KCNC1: variants seen among roughly 807,000 people sequenced by gnomAD.
KCNC1 encodes the protein voltage-gated potassium channel KCNC1.
KCNC1 carries 8 observed loss-of-function variants against 43.4 expected under a neutral mutation model. The ratio of observed to expected loss-of-function variants is 0.18; its 90% CI spans 0.11 to 0.33. The LOEUF (loss-of-function observed/expected upper bound fraction) is 0.33. KCNC1 is among the 10% of genes least tolerant of loss of function. The pLI is 1.00. For synonymous variants in KCNC1, 361 were observed against 360.5 expected, an observed-to-expected ratio of 1.00 and a Z score of -0.01; for missense variants, 420 against 836.0, an observed-to-expected ratio of 0.50 and a Z score of 6.14.
At chr11:17,754,581 A>T (rs536847106) in intron 1 of KCNC1, among the ~76,000 whole-genome samples, 1 of 152,212 alleles carries the variant, frequency 6.6e-6, no homozygotes, top group South Asian at 2.1e-4. Context: ...TGGACATAGG[A>T]CCCATGTCCA....
intron 1 of KCNC1, among the ~76,000 whole-genome samples, chr11:17,768,617 G>T (rs898064437): frequency 4.0e-5 from 6 of 151,778 alleles, no homozygotes; most frequent in East Asian, 3.9e-4. Context: ...GTTGGTGGGG[G>T]GGGGGGCGGT....
rs75161663 is a variant in KCNC1 at position 17,769,979 on chromosome 11, T to C, written c.571-1686T>C. 4.4e-3 allele frequency among the ~76,000 whole-genome samples: 672 copies of C among 152,380 alleles called. 6 individuals are homozygous for C. The highest frequency in any genetic ancestry group is 0.016 in the African/African-American group (652 of 41,594). ...CTCTGTCATTCTGAGATGCCAACTT[T>C]GTCACTTCCCTTTGCTCCCAGCTTC... On this transcript the variant is annotated intron_variant, in intron 1 of 3. Transcript: ENST00000265969.
At chr11:17,764,370 A>G (rs890212034) in intron 1 of KCNC1, among the ~76,000 whole-genome samples, 2 of 151,402 alleles carry the variant, frequency 1.3e-5, no homozygotes, top group East Asian at 3.9e-4. Context: ...ATACATGTCC[A>G]CACACACACA....
rs867735558 is a variant in KCNC1, at chr11:17,736,484, C to A, written c.482C>A (p.Pro161Gln). 2 of 1,596,304 alleles carry A rather than the reference C, an allele frequency of 1.3e-6. No homozygotes were observed. Among genetic ancestry groups the A allele is most frequent in the East Asian group, 2.3e-5 (1 of 44,432 alleles). ...MTKRLALSDS[P>Q]DGRPGGFWRR... ...AAGCGCCTGGCGCTCAGTGACTCCC[C>A]GGATGGCCGGCCTGGCGGCTTTTGG... The change falls in exon 1 of 4, where the codon CCG becomes CAG. Residue 161 changes from proline to glutamine, a missense_variant. Physicochemically the swap from Pro to Gln is moderately conservative, Grantham distance 76. This residue lies in a region of KCNC1 where 151 missense variants were observed against 216.7 expected (regional missense o/e 0.70). Transcript: ENST00000265969. This position sits in a 1 kb window ranked among gnomAD's most constrained non-coding sequence, Gnocchi z 9.3.
At position 17,777,175 on chromosome 11, in the gene KCNC1, C is replaced by G; in HGVS notation, c.1505-2281C>G. Reference sequence around the variant, plus strand: ...GGGGCTTGTGGACAGAACCAGTGGGCGGGGGCCCAGCATTCAGAGCCAGAG... The same window carrying G: ...GGGGCTTGTGGACAGAACCAGTGGGGGGGGGCCCAGCATTCAGAGCCAGAG... On this transcript the variant is annotated intron_variant, in intron 2 of 3. Transcript: ENST00000265969. The surrounding 1 kb of genome is among the most constrained non-coding windows in gnomAD (Gnocchi z 4.3). The G allele has an allele frequency of 1.0e-6, 1 of 985,490 alleles. No homozygotes were observed. The highest frequency in any genetic ancestry group is 1.1e-4 in the East Asian group (1 of 8,730). 61.0% of individuals were successfully genotyped at this position (985,490 alleles called of 1,614,324 possible). A position where few individuals can be genotyped will look rare whatever the true frequency, so the allele number is the denominator to read the frequency against.
chr11:17,760,993 A>C (rs1849071441), intron 1 of KCNC1, among the ~76,000 whole-genome samples: 1 of 152,024 alleles, frequency 6.6e-6, no homozygotes, highest in South Asian at 2.1e-4. Context: ...CTTGAGCCCC[A>C]CTCATCGTGC....
rs1848816908 is a variant in KCNC1, at chr11:17,739,694, TG to T, written c.570+3123del. ...GAGTCTGTGTGTGTGTGTGTGTGTG[TG>T]TGTGTGTACATGCGTGTACACATAA... On this transcript the variant is annotated intron_variant, in intron 1 of 3. Transcript: ENST00000265969. This position sits in a 1 kb window ranked among gnomAD's most constrained non-coding sequence, Gnocchi z 4.2. 3.3e-5 allele frequency among the ~76,000 whole-genome samples: 5 copies of T among 151,816 alleles called. No individual in the cohort carries two copies. Among genetic ancestry groups the T allele is most frequent in the African/African-American group, 1.2e-4 (5 of 41,260 alleles).
chr11:17,779,268 C>A lies in KCNC1; in HGVS notation c.1505-188C>A, dbSNP rs186145685. ...AGCACTGTGGGCAGCCCGAAGGCTG[C>A]CTGAATGAGCTGAACCCCCCACCAA... On this transcript the variant is annotated intron_variant, in intron 2 of 3. Transcript: ENST00000265969. The surrounding 1 kb of genome is among the most constrained non-coding windows in gnomAD (Gnocchi z 7.2). 375 of 548,938 alleles carry A rather than the reference C, an allele frequency of 6.8e-4. No homozygotes were observed. Among genetic ancestry groups the A allele is most frequent in the Admixed American group, 1.6e-3 (46 of 28,480 alleles). 34.0% of individuals were successfully genotyped at this position (548,938 alleles called of 1,614,324 possible). A position where few individuals can be genotyped will look rare whatever the true frequency, so the allele number is the denominator to read the frequency against.
At chr11:17,770,144 G>A (rs1849206953) in intron 1 of KCNC1, among the ~76,000 whole-genome samples, 1 of 152,270 alleles carries the variant, frequency 6.6e-6, no homozygotes, top group South Asian at 2.1e-4. Flanking sequence ...CTGGGTGGGG[G>A]AGGGGCATCA....
chr11:17,772,766 A>G, intron 2 of KCNC1, 168 bp downstream of exon 2: 1 of 1,487,972 alleles, frequency 6.7e-7, no homozygotes. Context: ...TGGGCGGCCA[A>G]ATTCAGCAGG....
intron 1 of KCNC1, among the ~76,000 whole-genome samples, chr11:17,758,913 C>A (rs776080347): frequency 6.6e-6 from 1 of 152,182 alleles, no homozygotes; most frequent in Non-Finnish European, 1.5e-5. Context: ...TTAAAGTCAC[C>A]AGCTGCATTA....
At chr11:17,770,428 G>T (rs1313737206) in intron 1 of KCNC1, among the ~76,000 whole-genome samples, 2 of 152,210 alleles carry the variant, frequency 1.3e-5, no homozygotes, top group Non-Finnish European at 2.9e-5. Flanking sequence ...ACTGGCAGGG[G>T]CCCATCCACC....
Position 17,782,888 on chromosome 11 carries a change from A to T in KCNC1, c.*1154A>T, listed in dbSNP as rs375337290. On this transcript the variant is annotated 3_prime_UTR_variant, in exon 4 of 4. Transcript: ENST00000265969. ...TCTAAAATTAGTGGGGTGGGGGGGA[A>T]GGATGATATTTTTGAAAAACACATG... 18 of 152,138 alleles carry T rather than the reference A, an allele frequency of 1.2e-4. No homozygotes were observed. In the East Asian group the frequency reaches 2.7e-3, roughly 23 times the overall value. The allele number at this position is 152,138 out of a possible 1,614,324, so 9.4% of individuals were successfully genotyped here. A position where few individuals can be genotyped will look rare whatever the true frequency, so the allele number is the denominator to read the frequency against.
In KCNC1 at chr11:17,779,572, G is replaced by C. The variant is rs896883949; in HGVS notation, c.1621G>C (p.Glu541Gln). 1.3e-6 allele frequency: 2 copies of C among 1,551,444 alleles called. No individual in the cohort carries two copies. Among genetic ancestry groups the C allele is most frequent in the African/African-American group, 1.4e-5 (1 of 73,050 alleles). Residue 541 changes from glutamate to glutamine, a missense_variant, in exon 3 of 4, where the codon GAG (glutamate) becomes CAG (glutamine). Coordinates refer to ENST00000265969, the MANE Select transcript of KCNC1 (RefSeq NM_001112741.2). The surrounding 1 kb of genome is among the most constrained non-coding windows in gnomAD (Gnocchi z 7.2). Reference protein sequence around the residue: ...GLPFTRSGTRERYGPCFLLST... With the variant: ...GLPFTRSGTRQRYGPCFLLST... ...GCCCTTTACGCGCTCGGGCACCCGC[G>C]AGAGATACGGACCCTGCTTCCTCTT...
At chr11:17,738,072 G>A (rs962287272) in intron 1 of KCNC1, among the ~76,000 whole-genome samples, 1 of 152,022 alleles carries the variant, frequency 6.6e-6, no homozygotes, top group African/African-American at 2.4e-5. Flanking sequence ...GTTTATGGGG[G>A]GAGGCAATAG....
chr11:17,736,357 C>T lies in KCNC1; in HGVS notation c.355C>T (p.Leu119=), dbSNP rs1331735526. The T allele has an allele frequency of 6.2e-7, 1 of 1,612,810 alleles. No homozygotes were observed. The highest frequency in any genetic ancestry group is 8.5e-7 in the Non-Finnish European group (1 of 1,179,730). Residue 119 remains leucine (L), a synonymous_variant, in exon 1 of 4, where the codon CTG becomes TTG. Transcript: ENST00000265969. This position sits in a 1 kb window ranked among gnomAD's most constrained non-coding sequence, Gnocchi z 9.3. ...CCAGCACCGCGACGCCGAGGAGGCTCTGGACAGCTTCGGCGGCGCTCCTCT... is the reference window on the plus strand; with the variant it reads ...CCAGCACCGCGACGCCGAGGAGGCTTTGGACAGCTTCGGCGGCGCTCCTCT... The part of the protein sequence containing the change: ...YRQHRDAEEA[L]DSFGGAPLDN...
intron 2 of KCNC1, among the ~76,000 whole-genome samples, chr11:17,778,782 T>A (rs1323515342): frequency 6.8e-6 from 1 of 146,666 alleles, no homozygotes; most frequent in African/African-American, 2.5e-5. Flanking sequence ...GGGCCTAGCC[T>A]GTATGGGGAA....
chr11:17,773,959 C>A lies in KCNC1; in HGVS notation c.1504+1361C>A. ...AGTTTCCCCCTGGTTTGGGTGGCCTCCCCCAGTGGATGATTGATTTTCTTC... is the reference window on the plus strand; with the variant it reads ...AGTTTCCCCCTGGTTTGGGTGGCCTACCCCAGTGGATGATTGATTTTCTTC... On this transcript the variant is annotated intron_variant, in intron 2 of 3. Coordinates refer to ENST00000265969, the MANE Select transcript of KCNC1 (RefSeq NM_001112741.2). This position sits in a 1 kb window ranked among gnomAD's most constrained non-coding sequence, Gnocchi z 4.1. 1.0e-6 allele frequency: 1 copy of A among 985,494 alleles called. No homozygotes were observed. Among genetic ancestry groups the A allele is most frequent in the Non-Finnish European group, 1.2e-6 (1 of 830,000 alleles). 61.0% of individuals were successfully genotyped at this position (985,494 alleles called of 1,614,324 possible).
intron 2 of KCNC1, chr11:17,775,184 A>G: frequency 1.0e-6 from 1 of 985,578 alleles, no homozygotes; most frequent in East Asian, 1.1e-4. Context: ...TGTACCCCCA[A>G]GGCAGTCTAG....
Sources: gnomAD v4.1 joint callset for allele counts (sites outside exome capture counted in the v4.1 genomes callset) on GRCh38, gnomAD v4.1.1 for gene constraint, gnomAD v4.1.1 regional missense constraint, Gnocchi (gnomAD v3.1) non-coding constraint, MANE v1.5 for transcripts, NCBI Gene and HGNC (gene_info 2026-07-23, HGNC 2026-07-21) for gene names.